SYNPO2: variants seen among roughly 807,000 people sequenced by gnomAD.
The protein encoded by SYNPO2 is synaptopodin 2, also known as synaptopodin-2.
A neutral mutation model predicts 85.0 loss-of-function variants in SYNPO2; 56 were observed. That is an observed-to-expected ratio of 0.66 (90% CI 0.53 to 0.82). SYNPO2 has a LOEUF of 0.82. SYNPO2 is among the 40% of genes least tolerant of loss of function. The pLI, the probability that SYNPO2 is intolerant of heterozygous loss-of-function variation, is 0.00. For missense variants in SYNPO2, 1,575 were observed against 1,534.2 expected (o/e 1.03, Z -0.44); for synonymous variants, 602 against 591.1 (o/e 1.02, Z -0.27).
chr4:118,921,306 G>T (rs888300429), intron 1 of SYNPO2, among the ~76,000 whole-genome samples: 1 of 152,074 alleles, frequency 6.6e-6, no homozygotes, highest in African/African-American at 2.4e-5. Flanking sequence ...CTTAGAGATT[G>T]TTTCATTCTC....
chr4:119,034,545 G>A, intron 4 of SYNPO2: 4 of 985,514 alleles, frequency 4.1e-6, no homozygotes, highest in Non-Finnish European at 4.8e-6. Context: ...GGCATGTCAG[G>A]CATGCAGTAA....
chr4:118,911,820 C>G (rs923876583), intron 1 of SYNPO2, among the ~76,000 whole-genome samples: 2 of 152,032 alleles, frequency 1.3e-5, no homozygotes, highest in African/African-American at 4.8e-5. Context: ...TCAGCAACTC[C>G]CCCCCTCCAA....
intron 3 of SYNPO2, among the ~76,000 whole-genome samples, chr4:119,028,599 T>C (rs773256184): frequency 4.6e-5 from 7 of 152,186 alleles, no homozygotes; most frequent in Non-Finnish European, 8.8e-5. Context: ...AAAAAAGGAA[T>C]TCTATTTAGT....
At chr4:119,035,018 A>G (rs1367810709) in intron 4 of SYNPO2, 1 of 985,370 alleles carries the variant, frequency 1.0e-6, no homozygotes, top group Non-Finnish European at 1.2e-6. Context: ...CAGAGCATCC[A>G]CGAAGTCGGT....
intron 1 of SYNPO2, among the ~76,000 whole-genome samples, chr4:118,900,703 C>CTCTCTATATATATATA (rs1277981772): frequency 8.4e-4 from 37 of 43,866 alleles, no homozygotes; most frequent in East Asian, 1.5e-3. Flanking sequence ...CTCTCTCTCT[C>CTCTCTATATATATATA]TATATATATA....
At chr4:118,931,175 A>G (rs183770744) in intron 1 of SYNPO2, among the ~76,000 whole-genome samples, 1 of 152,262 alleles carries the variant, frequency 6.6e-6, no homozygotes, top group East Asian at 1.9e-4. Context: ...AAAAGAATAC[A>G]GTTTGTTGGA....
At chr4:118,976,571 G>T (rs1221579398) in intron 1 of SYNPO2, among the ~76,000 whole-genome samples, 1 of 152,134 alleles carries the variant, frequency 6.6e-6, no homozygotes, top group African/African-American at 2.4e-5. Context: ...GTTTTGTCAG[G>T]GCGCTGATTG....
At chr4:118,954,857 T>C (rs1478090346) in intron 1 of SYNPO2, among the ~76,000 whole-genome samples, 1 of 152,036 alleles carries the variant, frequency 6.6e-6, no homozygotes, top group Non-Finnish European at 1.5e-5. Flanking sequence ...ATCCACACAA[T>C]AAGTATATGA....
intron 4 of SYNPO2, among the ~76,000 whole-genome samples, chr4:119,053,172 C>T (rs1010612909): frequency 6.6e-6 from 1 of 152,180 alleles, no homozygotes; most frequent in African/African-American, 2.4e-5. Context: ...AAACAGAGAA[C>T]AGCCTGAGCC....
At chr4:118,930,291 T>TAACATAA (rs1201689898) in intron 1 of SYNPO2, among the ~76,000 whole-genome samples, 2 of 152,230 alleles carry the variant, frequency 1.3e-5, no homozygotes, top group African/African-American at 2.4e-5. Context: ...GTTAGAATTT[T>TAACATAA]AACATAAATT....
rs764409856 is a variant in SYNPO2 at position 119,027,433 on chromosome 4, A to G, written c.1064A>G (p.His355Arg). ...AGACCTCACAAGCACCGAGCGCGGC[A>G]TGCACGTAAGTTCTGCCTGGGCTTT... ...HSRPHKHRAR[H>R]ARLRRSESLS... The change falls in exon 3 of 5, where the codon CAT becomes CGT. Residue 355 changes from histidine to arginine, a missense_variant. Physicochemically the swap from His to Arg is conservative, Grantham distance 29. Coordinates refer to ENST00000307142, the MANE Select transcript of SYNPO2 (RefSeq NM_133477.3). The G allele has an allele frequency of 6.3e-7, 1 of 1,590,182 alleles. No individual in the cohort carries two copies. The highest frequency in any genetic ancestry group is 1.1e-5 in the South Asian group (1 of 89,508).
At chr4:118,892,574 C>CT (rs1376652829) in intron 1 of SYNPO2, among the ~76,000 whole-genome samples, 1 of 152,060 alleles carries the variant, frequency 6.6e-6, no homozygotes, top group Non-Finnish European at 1.5e-5. Context: ...TGGCAAATCA[C>CT]TTTGAAAAAT....
At chr4:119,054,471 A>T (rs1175924363) in intron 4 of SYNPO2, among the ~76,000 whole-genome samples, 2 of 152,098 alleles carry the variant, frequency 1.3e-5, no homozygotes, top group South Asian at 4.2e-4. Context: ...TAAGCTACGA[A>T]AATGGCTCTC....
chr4:118,976,112 C>G (rs1007860741), intron 1 of SYNPO2, among the ~76,000 whole-genome samples: 4 of 152,194 alleles, frequency 2.6e-5, no homozygotes, highest in African/African-American at 9.7e-5. Context: ...TCACTGACTT[C>G]AAGAATGAAG....
chr4:118,913,671 G>A (rs757038579), intron 1 of SYNPO2, among the ~76,000 whole-genome samples: 2 of 151,724 alleles, frequency 1.3e-5, no homozygotes, highest in Non-Finnish European at 2.9e-5. Flanking sequence ...GTTTGTGTGA[G>A]GTCTTTGTGT....
At chr4:119,029,759 C>T in intron 3 of SYNPO2, 86 bp from the exon 4 acceptor site, 3 of 1,407,178 alleles carry the variant, frequency 2.1e-6, no homozygotes, top group South Asian at 1.7e-5. Flanking sequence ...TTTATTTTCC[C>T]CCAGGAGAGT....
At chr4:119,037,654 T>C (rs4834735) in intron 4 of SYNPO2, 846,837 of 985,084 alleles carry the variant, frequency 0.86, 364,093 homozygotes, top group Admixed American at 0.89. Flanking sequence ...CAGGAGTTAA[T>C]GTATTAAGTT....
chr4:119,035,176 G>T (rs1738456446), intron 4 of SYNPO2: 1 of 985,282 alleles, frequency 1.0e-6, no homozygotes, highest in African/African-American at 1.7e-5. Context: ...CTGACTTTCT[G>T]CAGGACCTTA....
At chr4:118,879,591 T>G (rs901421247) in intron 1 of SYNPO2, among the ~76,000 whole-genome samples, 8 of 152,154 alleles carry the variant, frequency 5.3e-5, no homozygotes, top group Non-Finnish European at 5.9e-5. Context: ...GATCTTAGAC[T>G]TCCCAGCTGC....
Sources: allele counts gnomAD v4.1 joint callset (sites outside exome capture counted in the v4.1 genomes callset), GRCh38; gene constraint gnomAD v4.1.1; transcripts MANE v1.5; gene names NCBI Gene and HGNC (gene_info 2026-07-23, HGNC 2026-07-21).